TG: variants seen among roughly 807,000 people sequenced by gnomAD.
The protein encoded by TG is thyroid hormones.
A neutral mutation model predicts 324.7 loss-of-function variants in TG; 270 were observed. That is an observed-to-expected ratio of 0.83 (90% CI 0.75 to 0.92). TG has a LOEUF of 0.92. Ranked by LOEUF, TG falls within the 40% of genes least tolerant of loss-of-function variation. The probability of loss-of-function intolerance (pLI) is 0.00; values close to 1 mark genes in which losing one functional copy is unlikely to be tolerated. For missense variants in TG, 3,591 were observed against 3,456.4 expected, an observed-to-expected ratio of 1.04 and a Z score of -0.98; for synonymous variants, 1,401 against 1,327.0, an observed-to-expected ratio of 1.06 and a Z score of -1.21.
intron 33 of TG, 30 bp from the exon 34 acceptor site, chr8:132,972,568 G>GT (rs755247730): frequency 7.0e-5 from 92 of 1,308,812 alleles, no homozygotes; most frequent in African/African-American, 2.5e-4. Flanking sequence ...TCCTGATTGT[G>GT]GTTTTTTGTT....
chr8:133,082,859 A>T (rs1486117856), intron 41 of TG, among the ~76,000 whole-genome samples: 3 of 152,206 alleles, frequency 2.0e-5, no homozygotes, highest in Non-Finnish European at 4.4e-5. Context: ...TATTGTTATC[A>T]GTTTATGCTG....
At chr8:133,061,981 T>G (rs2131342469) in intron 41 of TG, among the ~76,000 whole-genome samples, 1 of 152,324 alleles carries the variant, frequency 6.6e-6, no homozygotes, top group African/African-American at 2.4e-5. Context: ...ATGAACAACT[T>G]GTCACTTACT....
At chr8:133,096,515 T>C in intron 43 of TG, 142 bp downstream of exon 43, 1 of 1,007,758 alleles carries the variant, frequency 9.9e-7, no homozygotes, top group East Asian at 2.5e-5. Flanking sequence ...TAGGAGGTGG[T>C]AATGGGGGGA....
chr8:133,059,867 C>T (rs1842108506), intron 41 of TG, among the ~76,000 whole-genome samples: 1 of 152,184 alleles, frequency 6.6e-6, no homozygotes, highest in African/African-American at 2.4e-5. Context: ...CTTGGAGATC[C>T]ATCTCAAAAT....
intron 41 of TG, among the ~76,000 whole-genome samples, chr8:133,093,143 T>TCTTTTCTTTTCTTTTCTTTTC (rs55977841): frequency 1.5e-4 from 14 of 94,022 alleles, no homozygotes; most frequent in African/African-American, 4.4e-4. Context: ...TCTTTTCTTT[T>TCTTTTCTTTTCTTTTCTTTTC]TTTTTTTTAA....
intron 18 of TG, among the ~76,000 whole-genome samples, chr8:132,908,640 A>G (rs887485011): frequency 1.3e-5 from 2 of 152,088 alleles, no homozygotes; most frequent in African/African-American, 4.8e-5. Context: ...GCCTGGCTAG[A>G]GTTTGGTTCA....
intron 27 of TG, among the ~76,000 whole-genome samples, chr8:132,960,529 G>C (rs1372680822): frequency 6.6e-6 from 1 of 152,232 alleles, no homozygotes; most frequent in Non-Finnish European, 1.5e-5. Context: ...TTAATCGGTT[G>C]AGTTGTGGCA....
chr8:133,094,236 C>T (rs976755615), intron 41 of TG, among the ~76,000 whole-genome samples: 3 of 128,920 alleles, frequency 2.3e-5, no homozygotes, highest in Admixed American at 8.4e-5. Context: ...AGAAACCTGT[C>T]GTTTTCTTTT....
intron 44 of TG, among the ~76,000 whole-genome samples, chr8:133,114,913 C>T (rs1850554192): frequency 6.6e-6 from 1 of 152,194 alleles, no homozygotes; most frequent in Non-Finnish European, 1.5e-5. Flanking sequence ...CTGTACCACC[C>T]ACTTGGATCT....
rs535936109 is a variant in TG, at chr8:133,018,974, T to C, written c.6783-628T>C. Among the ~76,000 whole-genome samples the C allele has an allele frequency of 3.2e-4, 49 of 152,324 alleles. No individual in the cohort carries two copies. In the East Asian group the frequency reaches 8.5e-3, roughly 26 times the overall value. On this transcript the variant is annotated intron_variant, in intron 38 of 47. Coordinates refer to ENST00000220616, the MANE Select transcript of TG (RefSeq NM_003235.5). ...TGCTGGGAAACAAAAATAACAAATA[T>C]GCGTGAATTAAAGTGCCTTACCATG...
At chr8:132,900,461 C>T in intron 15 of TG, 122 bp downstream of exon 15, 1 of 869,104 alleles carries the variant, frequency 1.2e-6, no homozygotes, top group South Asian at 1.4e-5. Context: ...GGCACAGCTG[C>T]TGACCTCACT....
chr8:132,994,622 C>T, intron 35 of TG: 5 of 1,208,628 alleles, frequency 4.1e-6, no homozygotes, highest in Non-Finnish European at 5.3e-6. Context: ...GTCATCCATT[C>T]ATTTATTCTC....
chr8:132,882,120 A>G, intron 6 of TG, 151 bp downstream of exon 6: 1 of 655,380 alleles, frequency 1.5e-6, no homozygotes, highest in Non-Finnish European at 2.7e-6. Context: ...AACCTTAGCA[A>G]ACTGTCATCT....
At chr8:132,890,972 T>G (rs1171621011) in intron 10 of TG, among the ~76,000 whole-genome samples, 1 of 152,070 alleles carries the variant, frequency 6.6e-6, no homozygotes, top group East Asian at 1.9e-4. Context: ...GACAGTCAGG[T>G]GAAGGATGGT....
At chr8:132,919,711 G>T (rs1820854047) in intron 21 of TG, among the ~76,000 whole-genome samples, 186 bp downstream of exon 21, 1 of 152,184 alleles carries the variant, frequency 6.6e-6, no homozygotes, top group South Asian at 2.1e-4. Context: ...TCCTCCCTAA[G>T]TTGTGACAGC....
At chr8:132,882,757 T>A in intron 7 of TG, 57 bp from the exon 8 acceptor site, 2 of 1,612,982 alleles carry the variant, frequency 1.2e-6, no homozygotes, top group Non-Finnish European at 1.7e-6. Context: ...CAGTGCATGC[T>A]GTGAAGACAC....
intron 35 of TG, chr8:133,001,832 G>A (rs1833538482): frequency 1.0e-6 from 1 of 985,482 alleles, no homozygotes; most frequent in African/African-American, 1.7e-5. Flanking sequence ...GTTTCAGAAT[G>A]TCACGGTTTA....
chr8:132,942,067 A>G (rs990477736), intron 26 of TG, among the ~76,000 whole-genome samples: 1 of 152,220 alleles, frequency 6.6e-6, no homozygotes, highest in African/African-American at 2.4e-5. Flanking sequence ...TTTGAATAGT[A>G]TCTCAGCAAT....
intron 11 of TG, among the ~76,000 whole-genome samples, chr8:132,896,784 C>G (rs975478978): frequency 1.3e-5 from 2 of 152,166 alleles, no homozygotes; most frequent in Non-Finnish European, 2.9e-5. Flanking sequence ...AAAATAAACA[C>G]AAATCTCTGC....
Sources: gnomAD v4.1 joint callset for allele counts (sites outside exome capture counted in the v4.1 genomes callset) on GRCh38, gnomAD v4.1.1 for gene constraint, MANE v1.5 for transcripts, NCBI Gene and HGNC (gene_info 2026-07-23, HGNC 2026-07-21) for gene names.